CSMD1: variants seen among roughly 807,000 people sequenced by gnomAD.
CSMD1 encodes the protein CUB and Sushi multiple domains 1, also known as CUB and sushi domain-containing protein 1.
A neutral mutation model predicts 417.5 loss-of-function variants in CSMD1; 213 were observed. The ratio of observed to expected loss-of-function variants is 0.51; its 90% CI spans 0.46 to 0.57. CSMD1 has a LOEUF of 0.57. Among genes scored for constraint, CSMD1 ranks in the 20% least tolerant of loss-of-function variants. The pLI, the probability that CSMD1 is intolerant of heterozygous loss-of-function variation, is 0.00. For synonymous variants in CSMD1, 2,862 were observed against 1,736.8 expected (o/e 1.65, Z -16.11); for missense variants, 6,923 against 4,529.7 (o/e 1.53, Z -15.17).
At chr8:3,268,375 G>A (rs571714794) in intron 26 of CSMD1, among the ~76,000 whole-genome samples, 64 of 131,978 alleles carry the variant, frequency 4.8e-4, no homozygotes, top group African/African-American at 1.7e-3. Context: ...TGCAAGCTCC[G>A]CCTCCGAGGT....
At chr8:4,243,034 G>GT (rs929892096) in intron 3 of CSMD1, among the ~76,000 whole-genome samples, 1 of 152,152 alleles carries the variant, frequency 6.6e-6, no homozygotes, top group Non-Finnish European at 1.5e-5. Flanking sequence ...AATGGCAGAG[G>GT]TTTTATCTGA....
intron 49 of CSMD1, 87 bp from the exon 50 acceptor site, chr8:3,052,734 T>A: frequency 1.1e-6 from 1 of 896,686 alleles, no homozygotes; most frequent in Non-Finnish European, 1.6e-6. Flanking sequence ...ATCATTATTA[T>A]TGACTCCATT....
chr8:3,863,738 T>G (rs1230150461), intron 5 of CSMD1, among the ~76,000 whole-genome samples: 3 of 152,214 alleles, frequency 2.0e-5, no homozygotes, highest in Non-Finnish European at 4.4e-5. Context: ...TTTGTTTTCA[T>G]TTCAAATGTT....
chr8:3,992,124 A>G (rs200924374), intron 5 of CSMD1, among the ~76,000 whole-genome samples: 6 of 150,344 alleles, frequency 4.0e-5, no homozygotes, highest in South Asian at 2.1e-4. Context: ...GTGTATATAT[A>G]TGTGTGTGTG....
At chr8:3,926,753 G>C (rs1238054090) in intron 5 of CSMD1, among the ~76,000 whole-genome samples, 3 of 107,858 alleles carry the variant, frequency 2.8e-5, no homozygotes, top group Admixed American at 1.4e-4. Context: ...GTCCCGCTCT[G>C]TAGCCAGGGT....
chr8:2,942,707 C>T lies in CSMD1; in HGVS notation c.10403-103G>A, dbSNP rs571104487. The T allele has an allele frequency of 1.4e-5, 12 of 845,278 alleles. No homozygotes were observed. In the Admixed American group the frequency reaches 2.1e-4, roughly 15 times the overall value. 52.4% of individuals were successfully genotyped at this position (845,278 alleles called of 1,614,324 possible). A position where few individuals can be genotyped will look rare whatever the true frequency, so the allele number is the denominator to read the frequency against. ...GGATACGAACTCTTCAAGAAGCAGA[C>T]GGAGTTGCCATTTCACAGGAAACCA... On this transcript the variant is annotated intron_variant, in intron 68 of 69. Coordinates refer to ENST00000635120, the MANE Select transcript of CSMD1 (RefSeq NM_033225.6).
chr8:3,886,646 G>T (rs1034814060), intron 5 of CSMD1, among the ~76,000 whole-genome samples: 2 of 152,194 alleles, frequency 1.3e-5, no homozygotes, highest in Non-Finnish European at 1.5e-5. Flanking sequence ...GTAGTGAGAT[G>T]TATCTTCTAA....
intron 10 of CSMD1, among the ~76,000 whole-genome samples, chr8:3,573,833 T>C (rs1424857319): frequency 3.8e-5 from 3 of 79,340 alleles, no homozygotes; most frequent in Non-Finnish European, 7.8e-5. Flanking sequence ...TATAATTATT[T>C]TAATATTACA....
At chr8:3,091,288 G>A (rs569786176) in intron 48 of CSMD1, among the ~76,000 whole-genome samples, 2 of 151,966 alleles carry the variant, frequency 1.3e-5, no homozygotes, top group African/African-American at 4.8e-5. Context: ...ATGAATTTCA[G>A]CAGTTTATAA....
At chr8:3,523,940 G>C (rs914695044) in intron 10 of CSMD1, among the ~76,000 whole-genome samples, 1 of 139,464 alleles carries the variant, frequency 7.2e-6, no homozygotes, top group Non-Finnish European at 1.5e-5. Context: ...TGCACACTCA[G>C]ACACGTGCAT....
At chr8:4,326,351 A>G (rs1799562453) in intron 3 of CSMD1, among the ~76,000 whole-genome samples, 1 of 152,198 alleles carries the variant, frequency 6.6e-6, no homozygotes, top group African/African-American at 2.4e-5. Flanking sequence ...GACATGGGGC[A>G]ACCTGACGAC....
chr8:4,865,792 C>A (rs895297204), intron 1 of CSMD1, among the ~76,000 whole-genome samples: 1 of 151,900 alleles, frequency 6.6e-6, no homozygotes, highest in South Asian at 2.1e-4. Flanking sequence ...CTATGCATTG[C>A]CCAGTTTTTT....
intron 15 of CSMD1, among the ~76,000 whole-genome samples, 151 bp from the exon 16 acceptor site, chr8:3,399,680 A>T (rs916252891): frequency 2.6e-5 from 4 of 152,204 alleles, no homozygotes; most frequent in South Asian, 2.1e-4. Context: ...GAAACTGTAC[A>T]TTTATTGAAA....
chr8:4,565,456 G>A (rs1001618803), intron 2 of CSMD1, among the ~76,000 whole-genome samples: 1 of 151,802 alleles, frequency 6.6e-6, no homozygotes, highest in Non-Finnish European at 1.5e-5. Flanking sequence ...ATAGATTTTA[G>A]CCCAGGCATA....
At chr8:4,179,032 C>T (rs913705773) in intron 3 of CSMD1, among the ~76,000 whole-genome samples, 4 of 152,128 alleles carry the variant, frequency 2.6e-5, no homozygotes, top group South Asian at 4.1e-4. Flanking sequence ...AATGCCATCC[C>T]CATCAAGCTA....
chr8:3,489,270 G>T (rs1168938567), intron 11 of CSMD1, among the ~76,000 whole-genome samples: 1 of 152,146 alleles, frequency 6.6e-6, no homozygotes, highest in Non-Finnish European at 1.5e-5. Flanking sequence ...CCAGTATCCT[G>T]ATTTGTTAAT....
chr8:3,850,100 G>C (rs1173904044), intron 5 of CSMD1, among the ~76,000 whole-genome samples: 1 of 152,198 alleles, frequency 6.6e-6, no homozygotes, highest in Admixed American at 6.5e-5. Context: ...CCAGCAAAGA[G>C]TATATCTTTT....
intron 3 of CSMD1, among the ~76,000 whole-genome samples, chr8:4,383,984 G>T (rs960531334): frequency 6.6e-6 from 1 of 152,156 alleles, no homozygotes; most frequent in Non-Finnish European, 1.5e-5. Flanking sequence ...TACCCTTTAA[G>T]TAGCACTTGG....
intron 5 of CSMD1, among the ~76,000 whole-genome samples, chr8:3,898,766 T>A (rs140863999): frequency 1.3e-5 from 2 of 152,136 alleles, no homozygotes. Context: ...GTATATATAT[T>A]TGAGGAAGAC....
Sources: allele counts gnomAD v4.1 joint callset (sites outside exome capture counted in the v4.1 genomes callset), GRCh38; gene constraint gnomAD v4.1.1; transcripts MANE v1.5; gene names NCBI Gene and HGNC (gene_info 2026-07-23, HGNC 2026-07-21).